The following NDRG2 variants were observed in gnomAD, a reference collection of about 807,000 sequenced individuals.
NDRG2 encodes protein NDRG2.
A neutral mutation model predicts 58.2 loss-of-function variants in NDRG2; 34 were observed. The ratio of observed to expected loss-of-function variants is 0.58; its 90% confidence interval spans 0.44 to 0.78. The LOEUF is 0.78. NDRG2 is among the 30% of genes least tolerant of loss of function. NDRG2 has a pLI of 0.00. For synonymous variants in NDRG2, 187 were observed against 175.9 expected, an observed-to-expected ratio of 1.06 and a Z score of -0.50; for missense variants, 434 against 471.2, an observed-to-expected ratio of 0.92 and a Z score of 0.73.
At chr14:21,045,865 G>A (rs1449685050) in intron 1 of NDRG2, among the ~76,000 whole-genome samples, 1 of 152,170 alleles carries the variant, frequency 6.6e-6, no homozygotes, top group Non-Finnish European at 1.5e-5. Flanking sequence ...AAGGGGCATG[G>A]GGGAGCCTTC....
chr14:21,032,181 G>T, intron 1 of NDRG2: 1 of 1,206,366 alleles, frequency 8.3e-7, no homozygotes, highest in Admixed American at 1.8e-5. Flanking sequence ...CAAAATCTCT[G>T]TCTGTGAGGG....
intron 1 of NDRG2, among the ~76,000 whole-genome samples, chr14:21,050,463 G>C (rs531854319): frequency 6.6e-6 from 1 of 152,248 alleles, no homozygotes; most frequent in African/African-American, 2.4e-5. Flanking sequence ...TTTGGTAAGG[G>C]TTACCACTTT....
At chr14:21,028,661 G>A (rs1883861062), upstream of NDRG2, 1 of 152,122 alleles carries the variant, frequency 6.6e-6, no homozygotes, top group Admixed American at 6.5e-5. Flanking sequence ...TTGAGCAGGA[G>A]TAATAAAAAA....
Position 21,022,079 on chromosome 14 carries a change from G to T in NDRG2, c.327C>A (p.Ala109=), listed in dbSNP as rs760699988. ...ACTCTTACCCCAAAGGGAACACAGGGGCTCCCTCTTCCATTCCAGGGGCAT... is the reference window on the plus strand; with the variant it reads ...ACTCTTACCCCAAAGGGAACACAGGTGCTCCCTCTTCCATTCCAGGGGCAT... The part of the protein sequence containing the change: ...HVDAPGMEEG[A]PVFPLGYQYP... The change falls in exon 5 of 16, where the codon GCC becomes GCA. Residue 109 remains alanine, a synonymous_variant. Coordinates refer to ENST00000556147, the MANE Select transcript of NDRG2 (RefSeq NM_001320329.2). 8 of 1,614,078 alleles carry T rather than the reference G, an allele frequency of 5.0e-6. 1 individual carries two copies. The South Asian group carries it at 8.8e-5, about 18-fold the overall frequency.
At chr14:21,025,171 G>A, upstream of NDRG2, 1 of 916,566 alleles carries the variant, frequency 1.1e-6, no homozygotes, top group Non-Finnish European at 1.3e-6. This position sits in a 1 kb window ranked among gnomAD's most constrained non-coding sequence, Gnocchi z 5.1. Context: ...CAGACCCCCA[G>A]TAAACACGCC....
At chr14:21,052,167 T>C (rs573890016) in intron 1 of NDRG2, among the ~76,000 whole-genome samples, 1 of 152,232 alleles carries the variant, frequency 6.6e-6, no homozygotes, top group African/African-American at 2.4e-5. Context: ...AGGATCAGAG[T>C]GATGACTGAG....
chr14:21,037,028 G>C (rs1469458744), intron 1 of NDRG2, among the ~76,000 whole-genome samples: 2 of 152,166 alleles, frequency 1.3e-5, no homozygotes, highest in Non-Finnish European at 2.9e-5. Flanking sequence ...GTCCCTCAAG[G>C]CTGCAGCTTC....
chr14:21,056,816 A>T (rs2139146906), intron 1 of NDRG2, among the ~76,000 whole-genome samples: 1 of 152,314 alleles, frequency 6.6e-6, no homozygotes, highest in South Asian at 2.1e-4. Flanking sequence ...CAGGAACTCA[A>T]GCTCCCTCAT....
intron 1 of NDRG2, among the ~76,000 whole-genome samples, chr14:21,069,469 G>C (rs928924250): frequency 3.3e-5 from 5 of 152,244 alleles, no homozygotes; most frequent in Non-Finnish European, 7.3e-5. Flanking sequence ...CGAATAGAGA[G>C]GTAGGGATGC....
intron 1 of NDRG2, among the ~76,000 whole-genome samples, chr14:21,053,339 G>T (rs773154069): frequency 1.3e-5 from 2 of 152,020 alleles, no homozygotes; most frequent in African/African-American, 4.8e-5. Flanking sequence ...AAAATTAGCC[G>T]CACTTTGGCC....
At chr14:21,022,283 A>G in intron 4 of NDRG2, 101 bp from the exon 5 acceptor site, 2 of 1,592,206 alleles carry the variant, frequency 1.3e-6, no homozygotes, top group South Asian at 1.1e-5. Context: ...AGACCAGGAG[A>G]GAACTTCTCC....
At position 21,018,820 on chromosome 14, in the gene NDRG2, G is replaced by C; in HGVS notation, c.762-6C>G. On this transcript the variant is annotated splice_polypyrimidine_tract_variant and splice_region_variant and intron_variant, in intron 11 of 15. Coordinates refer to ENST00000556147, the MANE Select transcript of NDRG2 (RefSeq NM_001320329.2). ...CCACCAGCATCACAGGACACCTAAA[G>C]ACACAGTGTTGGGGAGAAGGCAGTG... 6.2e-7 allele frequency: 1 copy of C among 1,614,130 alleles called. No homozygotes were observed. Among genetic ancestry groups the C allele is most frequent in the Non-Finnish European group, 8.5e-7 (1 of 1,180,024 alleles).
intron 14 of NDRG2, 64 bp from the exon 15 acceptor site, chr14:21,018,102 A>G: frequency 6.2e-7 from 1 of 1,601,894 alleles, no homozygotes; most frequent in Non-Finnish European, 8.6e-7. Flanking sequence ...CTGGAGCCTG[A>G]GGCTGCGGCA....
intron 1 of NDRG2, chr14:21,033,838 C>A: frequency 6.2e-7 from 1 of 1,612,122 alleles, no homozygotes; most frequent in Non-Finnish European, 8.5e-7. Context: ...GAATAGAGAC[C>A]AGCGATACCT....
At chr14:21,034,558 T>C (rs1202375450) in intron 1 of NDRG2, 1 of 431,010 alleles carries the variant, frequency 2.3e-6, no homozygotes, top group Non-Finnish European at 4.1e-6. Flanking sequence ...ATAAGAGCTC[T>C]AACTGGTCCT....
intron 1 of NDRG2, among the ~76,000 whole-genome samples, chr14:21,053,225 G>C (rs1312941357): frequency 6.6e-6 from 1 of 152,184 alleles, no homozygotes; most frequent in Non-Finnish European, 1.5e-5. Flanking sequence ...GCTCACACCT[G>C]TAATATCAGT....
intron 1 of NDRG2, among the ~76,000 whole-genome samples, chr14:21,060,581 T>C (rs1885905914): frequency 6.6e-6 from 1 of 152,130 alleles, no homozygotes; most frequent in Non-Finnish European, 1.5e-5. Flanking sequence ...ACCATTAACC[T>C]ACTCCCAAAG....
At position 21,022,850 on chromosome 14, in the gene NDRG2, C is replaced by A; in HGVS notation, c.117+14G>T. The A allele has an allele frequency of 6.2e-7, 1 of 1,613,124 alleles. No homozygotes were observed. Among genetic ancestry groups the A allele is most frequent in the Non-Finnish European group, 8.5e-7 (1 of 1,179,590 alleles). On this transcript the variant is annotated intron_variant, in intron 3 of 15. Transcript: ENST00000556147. ...GCCCCTCCTCCCACCTTGGGACTGC[C>A]CCCACACTGTTACCTGTCCCTGGTC... is the stretch of plus-strand genomic sequence containing the variant.
intron 1 of NDRG2, chr14:21,043,722 A>T: frequency 2.3e-6 from 1 of 428,432 alleles, no homozygotes; most frequent in Non-Finnish European, 4.3e-6. Context: ...GGTCTATGCC[A>T]TTGCACATGT....
Sources: allele counts gnomAD v4.1 joint callset (sites outside exome capture counted in the v4.1 genomes callset), GRCh38; gene constraint gnomAD v4.1.1; non-coding constraint Gnocchi (gnomAD v3.1); transcripts MANE v1.5; gene names NCBI Gene and HGNC (gene_info 2026-07-23, HGNC 2026-07-21).